Variants in NPAS3 observed in about 807,000 individuals in gnomAD.
The protein encoded by NPAS3 is neuronal PAS domain-containing protein 3.
A neutral mutation model predicts 73.1 loss-of-function variants in NPAS3; 14 were observed. That is an observed-to-expected ratio of 0.19 (90% confidence interval 0.13 to 0.30). The LOEUF (loss-of-function observed/expected upper bound fraction) is 0.30, where lower values mean the gene tolerates loss of function less well. Ranked by LOEUF, NPAS3 falls within the 10% of genes least tolerant of loss-of-function variation. NPAS3 has a pLI of 1.00. For missense variants in NPAS3, 1,096 were observed against 1,250.0 expected, an observed-to-expected ratio of 0.88 and a Z score of 1.86; for synonymous variants, 620 against 541.5, an observed-to-expected ratio of 1.14 and a Z score of -2.01.
chr14:33,797,949 T>C (rs900452726), intron 11 of NPAS3, among the ~76,000 whole-genome samples: 5 of 151,960 alleles, frequency 3.3e-5, no homozygotes, highest in African/African-American at 1.2e-4. Flanking sequence ...TTTCTTTAAA[T>C]ATACAGAAAG....
chr14:33,661,900 T>C (rs2140277468), intron 5 of NPAS3, among the ~76,000 whole-genome samples: 1 of 152,332 alleles, frequency 6.6e-6, no homozygotes, highest in Admixed American at 6.5e-5. Context: ...CTCCCAACCT[T>C]TCTCAACCAA....
chr14:33,802,376 TAAAAAAAAAAA>T (rs71293230), downstream of NPAS3: 5 of 95,730 alleles, frequency 5.2e-5, 1 homozygote, highest in Non-Finnish European at 8.1e-5. Flanking sequence ...GCACATTAAG[TAAAAAAAAAAA>T]AAAAGAAAAA....
intron 2 of NPAS3, among the ~76,000 whole-genome samples, chr14:33,063,935 A>T (rs574708128): frequency 6.6e-6 from 1 of 152,234 alleles, no homozygotes; most frequent in African/African-American, 2.4e-5. Flanking sequence ...AAGAAAAGTC[A>T]TAATGACTAT....
intron 2 of NPAS3, among the ~76,000 whole-genome samples, chr14:33,135,921 T>C (rs2043814065): frequency 6.6e-6 from 1 of 152,162 alleles, no homozygotes; most frequent in Admixed American, 6.5e-5. Flanking sequence ...CCTCATGTAA[T>C]TGGAATGGAT....
At chr14:33,289,586 TGAG>T (rs986984178) in intron 3 of NPAS3, among the ~76,000 whole-genome samples, 1 of 152,070 alleles carries the variant, frequency 6.6e-6, no homozygotes, top group Non-Finnish European at 1.5e-5. Flanking sequence ...TTTGGGAGGC[TGAG>T]GTGGGCAGAT....
intron 4 of NPAS3, among the ~76,000 whole-genome samples, chr14:33,495,838 CT>C (rs2052155444): frequency 6.6e-6 from 1 of 151,656 alleles, no homozygotes; most frequent in African/African-American, 2.4e-5. Flanking sequence ...GTAAATATTC[CT>C]CCGTCACTTT....
chr14:33,269,554 A>T (rs1283942008), intron 3 of NPAS3, among the ~76,000 whole-genome samples: 1 of 152,164 alleles, frequency 6.6e-6, no homozygotes, highest in Non-Finnish European at 1.5e-5. Context: ...ATAATTATTG[A>T]CCTATATACT....
At chr14:33,265,023 G>A (rs1286771460) in intron 3 of NPAS3, among the ~76,000 whole-genome samples, 1 of 152,230 alleles carries the variant, frequency 6.6e-6, no homozygotes, top group South Asian at 2.1e-4. Flanking sequence ...CACAGAGTGA[G>A]TGAGTGCTGT....
At chr14:33,553,424 T>A (rs1300264541) in intron 4 of NPAS3, among the ~76,000 whole-genome samples, 2 of 152,246 alleles carry the variant, frequency 1.3e-5, no homozygotes, top group Non-Finnish European at 2.9e-5. Flanking sequence ...AACTGTTTTC[T>A]CACCTAAGAG....
chr14:33,430,904 C>T (rs1171609984), intron 4 of NPAS3, among the ~76,000 whole-genome samples: 1 of 152,180 alleles, frequency 6.6e-6, no homozygotes, highest in African/African-American at 2.4e-5. Context: ...TTGGTACAGT[C>T]AGTGTCATTT....
intron 1 of NPAS3, among the ~76,000 whole-genome samples, chr14:33,037,352 T>G (rs1199822593): frequency 6.6e-6 from 1 of 151,798 alleles, no homozygotes; most frequent in Non-Finnish European, 1.5e-5. Context: ...CTGTATATAT[T>G]AAAGATTCTT....
intron 1 of NPAS3, among the ~76,000 whole-genome samples, chr14:32,992,503 T>C (rs867917563): frequency 2.6e-5 from 4 of 152,116 alleles, no homozygotes; most frequent in Non-Finnish European, 4.4e-5. Context: ...GCTGATTCTC[T>C]GCTTGTCCCT....
intron 2 of NPAS3, among the ~76,000 whole-genome samples, chr14:33,117,038 T>A (rs2043088341): frequency 6.6e-6 from 1 of 152,166 alleles, no homozygotes; most frequent in Admixed American, 6.6e-5. Context: ...TGCATTCCTC[T>A]CTAATCCGTT....
chr14:33,503,832 T>G (rs2052631425), intron 4 of NPAS3, among the ~76,000 whole-genome samples: 3 of 152,030 alleles, frequency 2.0e-5, no homozygotes. Context: ...CATTTCATTT[T>G]TCCCTTTAGG....
intron 1 of NPAS3, among the ~76,000 whole-genome samples, chr14:33,034,063 A>AT (rs1293410614): frequency 6.6e-6 from 1 of 152,166 alleles, no homozygotes; most frequent in Non-Finnish European, 1.5e-5. Context: ...TAATCACTGC[A>AT]TTTTTATGTT....
chr14:33,632,719 T>C (rs1447504245), intron 5 of NPAS3, among the ~76,000 whole-genome samples: 1 of 152,230 alleles, frequency 6.6e-6, no homozygotes, highest in Non-Finnish European at 1.5e-5. Flanking sequence ...TAACTACTCA[T>C]GCATTCATGC....
Position 33,579,697 on chromosome 14 carries a change from C to T in NPAS3, c.558+19487C>T, listed in dbSNP as rs78926134. On this transcript the variant is annotated intron_variant, in intron 5 of 11. Transcript: ENST00000356141. ...TGTACTAGGCATCTACTTAATAATA[C>T]TGTGAGGAATAAAAAGAAGAGCAAG... Among the ~76,000 whole-genome samples the T allele has an allele frequency of 6.9e-3, 1,044 of 151,590 alleles. 52 individuals are homozygous for T. In the East Asian group the frequency reaches 0.16, roughly 23 times the overall value.
chr14:33,106,044 G>T (rs2138923745), intron 2 of NPAS3, among the ~76,000 whole-genome samples: 1 of 152,264 alleles, frequency 6.6e-6, no homozygotes, highest in Admixed American at 6.5e-5. Context: ...TTCTGTAAGT[G>T]CAGTGCTTCT....
chr14:33,092,367 A>C (rs961226931), intron 2 of NPAS3, among the ~76,000 whole-genome samples: 2 of 152,200 alleles, frequency 1.3e-5, no homozygotes, highest in East Asian at 3.8e-4. Context: ...TCCCATTCAC[A>C]ATTGCTTTGA....
Sources: allele counts gnomAD v4.1 joint callset (sites outside exome capture counted in the v4.1 genomes callset), GRCh38; gene constraint gnomAD v4.1.1; transcripts MANE v1.5; gene names NCBI Gene and HGNC (gene_info 2026-07-23, HGNC 2026-07-21).